The following ZNF704 variants were observed in gnomAD, a reference collection of about 807,000 sequenced individuals.
The protein encoded by ZNF704 is zinc finger protein 704.
In ZNF704, 10 loss-of-function variants were observed where a neutral mutation model predicts 44.7. The observed-to-expected ratio is 0.22, with a 90% CI of 0.14 to 0.38. The LOEUF (loss-of-function observed/expected upper bound fraction) is 0.38. ZNF704 is among the 10% of genes least tolerant of loss of function. The pLI, the probability that ZNF704 is intolerant of heterozygous loss-of-function variation, is 1.00. For synonymous variants in ZNF704, 211 were observed against 207.6 expected, an observed-to-expected ratio of 1.02 and a Z score of -0.14; for missense variants, 390 against 545.5, an observed-to-expected ratio of 0.71 and a Z score of 2.84.
chr8:80,697,883 G>GT (rs1002096612), intron 2 of ZNF704, among the ~76,000 whole-genome samples: 3 of 152,150 alleles, frequency 2.0e-5, no homozygotes, highest in Non-Finnish European at 2.9e-5. Flanking sequence ...TGTAAGGCAG[G>GT]TATATTATTT....
chr8:80,754,043 T>C (rs1170265956), intron 2 of ZNF704, among the ~76,000 whole-genome samples: 1 of 152,230 alleles, frequency 6.6e-6, no homozygotes, highest in East Asian at 1.9e-4. Flanking sequence ...GGCTTCGAAC[T>C]GTGGAATGCC....
chr8:80,686,538 C>T (rs1340416016), intron 4 of ZNF704, among the ~76,000 whole-genome samples: 2 of 150,106 alleles, frequency 1.3e-5, no homozygotes, highest in South Asian at 2.1e-4. Flanking sequence ...CATGCCACTA[C>T]ACTGAGCTAA....
At chr8:80,815,677 T>A (rs959770760) in intron 2 of ZNF704, among the ~76,000 whole-genome samples, 1 of 152,204 alleles carries the variant, frequency 6.6e-6, no homozygotes, top group Non-Finnish European at 1.5e-5. Context: ...CCTATCCCAG[T>A]CTTAGGTCTG....
intron 2 of ZNF704, among the ~76,000 whole-genome samples, chr8:80,800,627 C>A (rs1390726424): frequency 2.6e-5 from 4 of 152,116 alleles, no homozygotes; most frequent in Non-Finnish European, 5.9e-5. Context: ...AATTCATCAC[C>A]ACCAGGCCTG....
In ZNF704 at chr8:80,697,606, C is replaced by T. The variant is rs546885711; in HGVS notation, c.222-4499G>A. 2.0e-5 allele frequency among the ~76,000 whole-genome samples: 3 copies of T among 152,270 alleles called. No homozygotes were observed. The South Asian group carries it at 6.2e-4, about 32-fold the overall frequency. On this transcript the variant is annotated intron_variant, in intron 2 of 8. Transcript: ENST00000327835. ...ACTCTCTGCATTACCACCTGTGTGA[C>T]CTTGGGCAAATTACTTAAACTCACT...
At chr8:80,842,626 A>G (rs1156471601) in intron 1 of ZNF704, among the ~76,000 whole-genome samples, 3 of 152,152 alleles carry the variant, frequency 2.0e-5, no homozygotes, top group Non-Finnish European at 4.4e-5. Flanking sequence ...AAATAGAAAT[A>G]GTGATCAAAC....
At chr8:80,737,897 T>C (rs888189609) in intron 2 of ZNF704, among the ~76,000 whole-genome samples, 12 of 152,206 alleles carry the variant, frequency 7.9e-5, no homozygotes, top group Admixed American at 2.0e-4. Context: ...AATGTTTTCA[T>C]TAATGTCCCT....
chr8:80,771,247 T>A (rs1281749837), intron 2 of ZNF704, among the ~76,000 whole-genome samples: 1 of 152,176 alleles, frequency 6.6e-6, no homozygotes, highest in African/African-American at 2.4e-5. Context: ...AAATATCTTG[T>A]TAGAATTTTG....
Position 80,687,468 on chromosome 8 carries a change from C to T in ZNF704, c.326-10G>A, listed in dbSNP as rs748488373. On this transcript the variant is annotated splice_polypyrimidine_tract_variant and intron_variant, in intron 3 of 8. Transcript: ENST00000327835. Reference sequence around the variant, plus strand: ...GATCCGCTGAGGCTCTCTGCATGCACACAAACACAGTCAGTGCCAGGACCC... The same window carrying T: ...GATCCGCTGAGGCTCTCTGCATGCATACAAACACAGTCAGTGCCAGGACCC... 1 of 1,525,610 alleles carries T rather than the reference C, an allele frequency of 6.6e-7. No homozygotes were observed. Among genetic ancestry groups the T allele is most frequent in the South Asian group, 1.2e-5 (1 of 82,354 alleles). 94.5% of individuals were successfully genotyped at this position (1,525,610 alleles called of 1,614,324 possible).
intron 1 of ZNF704, among the ~76,000 whole-genome samples, chr8:80,841,312 C>T (rs1026921721): frequency 6.6e-6 from 1 of 152,202 alleles, no homozygotes; most frequent in African/African-American, 2.4e-5. Context: ...ATTTAGGCCA[C>T]AGCAGCACAG....
intron 2 of ZNF704, among the ~76,000 whole-genome samples, chr8:80,820,771 A>G (rs78171038): frequency 0.17 from 25,159 of 152,110 alleles, 2,380 homozygotes; most frequent in African/African-American, 0.26. Flanking sequence ...GCATGGCTGC[A>G]TATGCCTGTA....
intron 1 of ZNF704, among the ~76,000 whole-genome samples, chr8:80,851,183 A>C (rs544286982): frequency 6.6e-6 from 1 of 152,316 alleles, no homozygotes; most frequent in Admixed American, 6.5e-5. Context: ...GGGAACTAGA[A>C]CTAGAAATAC....
In ZNF704 at chr8:80,654,249, C is replaced by G. The variant is rs545252431; in HGVS notation, c.1032+5336G>C. 7.7e-3 allele frequency among the ~76,000 whole-genome samples: 1,171 copies of G among 152,060 alleles called. 17 individuals are homozygous for G. The highest frequency in any genetic ancestry group is 0.027 in the African/African-American group (1,104 of 41,392). On this transcript the variant is annotated intron_variant, in intron 7 of 8. Coordinates refer to ENST00000327835, the MANE Select transcript of ZNF704 (RefSeq NM_001033723.3). ...AACCATAAAAACCCTAGAAGAAAACCTAGGCAGTACCATTCAGGACATAGG... is the reference window on the plus strand; with the variant it reads ...AACCATAAAAACCCTAGAAGAAAACGTAGGCAGTACCATTCAGGACATAGG...
At chr8:80,856,766 G>T (rs1808969283) in intron 1 of ZNF704, among the ~76,000 whole-genome samples, 1 of 152,178 alleles carries the variant, frequency 6.6e-6, no homozygotes, top group South Asian at 2.1e-4. Context: ...TGTATAGTAA[G>T]TTCTGAAATC....
intron 7 of ZNF704, among the ~76,000 whole-genome samples, chr8:80,655,816 C>T (rs1259365806): frequency 6.6e-6 from 1 of 152,160 alleles, no homozygotes; most frequent in Non-Finnish European, 1.5e-5. Flanking sequence ...TCCCTCAAGG[C>T]ATTAAAAAAG....
At chr8:80,750,052 C>A (rs1285583651) in intron 2 of ZNF704, among the ~76,000 whole-genome samples, 1 of 152,158 alleles carries the variant, frequency 6.6e-6, no homozygotes, top group Non-Finnish European at 1.5e-5. Context: ...AGTTAACTAT[C>A]CCTTAGGCTA....
chr8:80,777,782 G>A (rs971718645), intron 2 of ZNF704, among the ~76,000 whole-genome samples: 25 of 151,936 alleles, frequency 1.6e-4, no homozygotes, highest in Non-Finnish European at 1.0e-4. Flanking sequence ...GGGAGGCTGA[G>A]GCAGGAGAAT....
intron 2 of ZNF704, among the ~76,000 whole-genome samples, chr8:80,725,423 A>T (rs561390646): frequency 5.3e-5 from 8 of 152,268 alleles, no homozygotes; most frequent in Non-Finnish European, 8.8e-5. Context: ...CTGTATTTTT[A>T]TTTACTTAAT....
intron 2 of ZNF704, among the ~76,000 whole-genome samples, chr8:80,720,166 T>G (rs768435586): frequency 7.9e-5 from 12 of 152,216 alleles, no homozygotes; most frequent in Non-Finnish European, 1.3e-4. Flanking sequence ...CAGATGTGAC[T>G]CCTTGGACAT....
Sources: allele counts gnomAD v4.1 joint callset (sites outside exome capture counted in the v4.1 genomes callset), GRCh38; gene constraint gnomAD v4.1.1; transcripts MANE v1.5; gene names NCBI Gene and HGNC (gene_info 2026-07-23, HGNC 2026-07-21).